The following TNRC6A variants were observed in gnomAD, a reference collection of about 807,000 sequenced individuals.
The protein encoded by TNRC6A is trinucleotide repeat containing adaptor 6A.
In TNRC6A, 44 loss-of-function variants were observed where a neutral mutation model predicts 221.2. That is an observed-to-expected ratio of 0.20 (90% CI 0.16 to 0.26). TNRC6A has a LOEUF of 0.26. Ranked by LOEUF, TNRC6A falls within the 10% of genes least tolerant of loss-of-function variation. The probability of loss-of-function intolerance (pLI) is 1.00; values close to 1 mark genes in which losing one functional copy is unlikely to be tolerated. For synonymous variants in TNRC6A, 847 were observed against 838.5 expected, an observed-to-expected ratio of 1.01 and a Z score of -0.18; for missense variants, 2,199 against 2,404.4, an observed-to-expected ratio of 0.91 and a Z score of 1.79.
At chr16:24,635,147 TTCC>T (rs1230975531) in intron 1 of TNRC6A, among the ~76,000 whole-genome samples, 7 of 151,288 alleles carry the variant, frequency 4.6e-5, no homozygotes, top group African/African-American at 1.5e-4. Flanking sequence ...TTTCTTTTCT[TTCC>T]TTCTTTCCTT....
At chr16:24,619,476 A>G (rs1281481768) in intron 1 of TNRC6A, among the ~76,000 whole-genome samples, 2 of 152,326 alleles carry the variant, frequency 1.3e-5, no homozygotes, top group South Asian at 2.1e-4. Flanking sequence ...GAACAATCAG[A>G]TACAATGTAG....
chr16:24,771,248 C>T (rs111348962), intron 4 of TNRC6A, among the ~76,000 whole-genome samples: 9 of 152,094 alleles, frequency 5.9e-5, no homozygotes, highest in African/African-American at 1.9e-4. Flanking sequence ...CACACATAAA[C>T]GAAACCTTTT....
intron 2 of TNRC6A, among the ~76,000 whole-genome samples, chr16:24,732,026 G>A (rs1218730969): frequency 6.6e-6 from 1 of 152,188 alleles, no homozygotes; most frequent in Non-Finnish European, 1.5e-5. Flanking sequence ...GTAGTACTAG[G>A]TAGATGACGT....
intron 7 of TNRC6A, 31 bp downstream of exon 7, chr16:24,793,680 A>T (rs2058159726): frequency 2.9e-6 from 4 of 1,381,738 alleles, no homozygotes; most frequent in Non-Finnish European, 3.8e-6. Context: ...GGTAGCTGTT[A>T]TGTAGCAGTG....
Position 24,779,404 on chromosome 16 carries a change from C to T in TNRC6A, c.589+2046C>T, listed in dbSNP as rs530237831. Among the ~76,000 whole-genome samples the T allele has an allele frequency of 3.9e-5, 6 of 152,310 alleles. No individual in the cohort carries two copies. The South Asian group carries it at 1.2e-3, about 32-fold the overall frequency. Reference sequence around the variant, plus strand: ...CTCTTAAAAAATTTATGAATCCCCACTTAACAGCATATTTTACATATTTAC... The same window carrying T: ...CTCTTAAAAAATTTATGAATCCCCATTTAACAGCATATTTTACATATTTAC... On this transcript the variant is annotated intron_variant, in intron 5 of 24. Coordinates refer to ENST00000395799, the MANE Select transcript of TNRC6A (RefSeq NM_014494.4).
intron 1 of TNRC6A, among the ~76,000 whole-genome samples, chr16:24,617,787 A>G (rs1299337938): frequency 1.3e-5 from 2 of 152,220 alleles, no homozygotes; most frequent in Admixed American, 1.3e-4. Context: ...TGAGAATGAA[A>G]CAGTTCATAT....
Position 24,804,845 on chromosome 16 carries a change from TAGAC to T in TNRC6A, c.3981_3984del (p.Gln1328MetfsTer52). On this transcript the variant is annotated frameshift_variant and splice_region_variant, in exon 13 of 25. Transcript: ENST00000395799. LOFTEE classifies it high-confidence loss of function. ...TGGGTATGCAAAACTTGAATTCTGTTAGACAGGTAAGTCCAGATGTGTATTTTAG... is the reference window on the plus strand; with the variant it reads ...TGGGTATGCAAAACTTGAATTCTGTTAGGTAAGTCCAGATGTGTATTTTAG... 6.2e-7 allele frequency: 1 copy of T among 1,613,354 alleles called. No homozygotes were observed. The highest frequency in any genetic ancestry group is 8.5e-7 in the Non-Finnish European group (1 of 1,179,838).
intron 2 of TNRC6A, among the ~76,000 whole-genome samples, chr16:24,707,076 G>T (rs1294355320): frequency 6.6e-6 from 1 of 151,644 alleles, no homozygotes; most frequent in African/African-American, 2.4e-5. Context: ...ACTCATTGCG[G>T]TCTCTGTCTC....
intron 4 of TNRC6A, among the ~76,000 whole-genome samples, chr16:24,762,605 T>C (rs1245672963): frequency 1.3e-5 from 2 of 152,168 alleles, no homozygotes; most frequent in Non-Finnish European, 2.9e-5. Context: ...TATTTAAAAA[T>C]TGATGTGAGA....
chr16:24,701,368 CTT>C (rs397854971), intron 2 of TNRC6A, among the ~76,000 whole-genome samples: 4,488 of 135,472 alleles, frequency 0.033, 233 homozygotes, highest in African/African-American at 0.12. Context: ...ACTTTTTTTT[CTT>C]TTTTTTTTTT....
At position 24,791,560 on chromosome 16, in the gene TNRC6A, G is replaced by T. The variant is rs777760908; in HGVS notation, c.2918G>T (p.Gly973Val). The T allele has an allele frequency of 1.9e-6, 3 of 1,558,116 alleles. No homozygotes were observed. The highest frequency in any genetic ancestry group is 2.8e-5 in the African/African-American group (2 of 72,696). ...GKPPGTGWLG[G>V]PIPAPAKEEE... is the part of the protein sequence containing the mutation. ...CCTCCTGGTACAGGCTGGCTGGGGGGACCTATACCAGCCCCAGCAAAAGAA... is the reference window on the plus strand; with the variant it reads ...CCTCCTGGTACAGGCTGGCTGGGGGTACCTATACCAGCCCCAGCAAAAGAA... Residue 973 changes from glycine to valine, a missense_variant, in exon 6 of 25, where the codon GGA becomes GTA. Coordinates refer to ENST00000395799, the MANE Select transcript of TNRC6A (RefSeq NM_014494.4).
At chr16:24,809,637 C>A in intron 18 of TNRC6A, 156 bp downstream of exon 18, 1 of 861,756 alleles carries the variant, frequency 1.2e-6, no homozygotes, top group Non-Finnish European at 1.6e-6. Flanking sequence ...GTCTTAGTTA[C>A]AATAAGAGAC....
intron 6 of TNRC6A, among the ~76,000 whole-genome samples, chr16:24,792,545 A>G (rs1327540872): frequency 1.3e-5 from 2 of 148,932 alleles, no homozygotes; most frequent in Non-Finnish European, 3.0e-5. Context: ...TTTGATTCTT[A>G]AAAGGAAGAA....
chr16:24,652,368 A>G (rs961455511), intron 2 of TNRC6A, among the ~76,000 whole-genome samples: 20 of 152,222 alleles, frequency 1.3e-4, no homozygotes, highest in African/African-American at 4.6e-4. Context: ...CTCCAAAAAG[A>G]AGATACAGAA....
intron 3 of TNRC6A, among the ~76,000 whole-genome samples, chr16:24,757,003 T>C (rs998175264): frequency 6.6e-6 from 1 of 152,206 alleles, no homozygotes; most frequent in African/African-American, 2.4e-5. Flanking sequence ...TACCTAAAAG[T>C]GTTCATATAC....
intron 2 of TNRC6A, 54 bp downstream of exon 2, chr16:24,730,354 T>C (rs962606952): frequency 7.6e-6 from 12 of 1,585,746 alleles, no homozygotes; most frequent in Middle Eastern, 3.3e-4. Flanking sequence ...ATATTTCTAC[T>C]CCGATTCGCC....
rs1446212425 is a variant in TNRC6A, at chr16:24,824,044, C to A, written c.*237C>A. The A allele has an allele frequency of 5.7e-6, 2 of 348,342 alleles. No homozygotes were observed. The highest frequency in any genetic ancestry group is 4.8e-5 in the Admixed American group (1 of 20,990). The allele number at this position is 348,342 out of a possible 1,614,324, so 21.6% of individuals were successfully genotyped here. On this transcript the variant is annotated 3_prime_UTR_variant, in exon 25 of 25. Transcript: ENST00000395799. The stretch of plus-strand genomic sequence containing the variant: ...CCAAATAGCGCCATACATGCTAAAC[C>A]GTAGAGAATGAGCTCGCTTGTGTCT...
chr16:24,713,216 G>A (rs1033082850), intron 2 of TNRC6A, among the ~76,000 whole-genome samples: 4 of 151,944 alleles, frequency 2.6e-5, no homozygotes, highest in Non-Finnish European at 4.4e-5. Flanking sequence ...CCAGGAGTTC[G>A]AGACCAGCCT....
At chr16:24,762,628 T>C (rs1262982922) in intron 4 of TNRC6A, among the ~76,000 whole-genome samples, 3 of 152,212 alleles carry the variant, frequency 2.0e-5, no homozygotes, top group African/African-American at 7.2e-5. Context: ...AGGCCTTCAG[T>C]GTATACTAGC....
Sources: gnomAD v4.1 joint callset for allele counts (sites outside exome capture counted in the v4.1 genomes callset) on GRCh38, gnomAD v4.1.1 for gene constraint, MANE v1.5 for transcripts, NCBI Gene and HGNC (gene_info 2026-07-23, HGNC 2026-07-21) for gene names.